CYFIP1: variants seen among roughly 807,000 people sequenced by gnomAD.
The protein encoded by CYFIP1 is cytoplasmic FMR1 interacting protein 1.
A neutral mutation model predicts 163.5 loss-of-function variants in CYFIP1; 58 were observed. That is an observed-to-expected ratio of 0.35 (90% CI 0.29 to 0.44). The LOEUF is 0.44. CYFIP1 is among the 20% of genes least tolerant of loss of function. The pLI, the probability that CYFIP1 is intolerant of heterozygous loss-of-function variation, is 1.00. For synonymous variants in CYFIP1, 663 were observed against 660.7 expected, an observed-to-expected ratio of 1.00 and a Z score of -0.05; for missense variants, 1,338 against 1,653.8, an observed-to-expected ratio of 0.81 and a Z score of 3.31.
rs147096950 is a variant in CYFIP1 at position 22,902,539 on chromosome 15, A to G, written c.2588+1167T>C. On this transcript the variant is annotated intron_variant, in intron 22 of 30. Transcript: ENST00000617928. ...TATAATTTTGATATATTACTTGTGT[A>G]AGAATATTTTTGCAATTAATTCCAA... Among the ~76,000 whole-genome samples, 36 of 152,358 alleles carry G rather than the reference A, an allele frequency of 2.4e-4. 1 individual carries two copies. Among genetic ancestry groups the G allele is most frequent in the African/African-American group, 8.4e-4 (35 of 41,586 alleles).
At chr15:22,961,780 G>T (rs1401979629) in intron 1 of CYFIP1, among the ~76,000 whole-genome samples, 2 of 152,120 alleles carry the variant, frequency 1.3e-5, no homozygotes, top group Non-Finnish European at 1.5e-5. Flanking sequence ...CTGACAGATG[G>T]ACTTACTATA....
intron 10 of CYFIP1, among the ~76,000 whole-genome samples, chr15:22,933,176 A>G (rs916968885): frequency 2.0e-5 from 3 of 151,798 alleles, no homozygotes; most frequent in East Asian, 3.9e-4. Flanking sequence ...CATAAAGACT[A>G]TCACCCAGCA....
chr15:22,876,972 A>T (rs1230799564), intron 26 of CYFIP1, among the ~76,000 whole-genome samples: 1 of 152,180 alleles, frequency 6.6e-6, no homozygotes. Flanking sequence ...TCTCCCCATT[A>T]AGAAAGCTCG....
At chr15:22,918,600 C>T (rs2061075029) in intron 14 of CYFIP1, 92 bp downstream of exon 14, 1 of 1,208,942 alleles carries the variant, frequency 8.3e-7, no homozygotes, top group Non-Finnish European at 1.1e-6. Context: ...ATATTGAAAT[C>T]ATTTTTGAGA....
intron 1 of CYFIP1, among the ~76,000 whole-genome samples, chr15:22,949,285 AGGCGG>A (rs2062168310): frequency 1.2e-5 from 1 of 80,848 alleles, no homozygotes; most frequent in South Asian, 6.4e-4. Context: ...AGCGGGGACC[AGGCGG>A]GCCGGAAGGC....
intron 11 of CYFIP1, among the ~76,000 whole-genome samples, chr15:22,929,776 A>G (rs1003040472): frequency 6.7e-6 from 1 of 150,310 alleles, no homozygotes; most frequent in Non-Finnish European, 1.5e-5. Context: ...TCTACTAAAA[A>G]TACAAAAAAA....
chr15:22,963,546 TAACATAACATAAGA>T lies in CYFIP1; in HGVS notation c.-6-16269_-6-16256del, dbSNP rs1406547752. On this transcript the variant is annotated intron_variant, in intron 1 of 30. Coordinates refer to ENST00000617928, the MANE Select transcript of CYFIP1 (RefSeq NM_014608.6). ...TAACATAACATAACATAACATAACA[TAACATAACATAAGA>T]AAGAATGAAATATCCCCCTGAAAAC... is the stretch of plus-strand genomic sequence containing the variant. 4.8e-3 allele frequency among the ~76,000 whole-genome samples: 648 copies of T among 134,728 alleles called. 4 individuals are homozygous for T. Among genetic ancestry groups the T allele is most frequent in the African/African-American group, 7.5e-3 (277 of 36,958 alleles). The allele number at this position is 134,728 out of a possible 152,430, so 88.4% of individuals were successfully genotyped here.
In CYFIP1 at chr15:22,870,020, G is replaced by A. The variant is rs371247387; in HGVS notation, c.*8C>T. 2.6e-5 allele frequency: 42 copies of A among 1,593,564 alleles called. No homozygotes were observed. Among genetic ancestry groups the A allele is most frequent in the South Asian group, 1.4e-4 (12 of 87,244 alleles). On this transcript the variant is annotated 3_prime_UTR_variant, in exon 31 of 31. Transcript: ENST00000617928. ...GCCATGTTGAGTTACGGAGTGCAGCGCGTGCCCTCAGCTGCTGGCGAGGGA... is the reference window on the plus strand; with the variant it reads ...GCCATGTTGAGTTACGGAGTGCAGCACGTGCCCTCAGCTGCTGGCGAGGGA...
chr15:22,917,510 C>T lies in CYFIP1; in HGVS notation c.1674+278G>A, dbSNP rs770486631. 5.4e-6 allele frequency: 3 copies of T among 553,858 alleles called. No homozygotes were observed. The highest frequency in any genetic ancestry group is 5.4e-5 in the South Asian group (2 of 36,802). The allele number at this position is 553,858 out of a possible 1,614,324, so 34.3% of individuals were successfully genotyped here. A position where few individuals can be genotyped will look rare whatever the true frequency, so the allele number is the denominator to read the frequency against. On this transcript the variant is annotated intron_variant, in intron 15 of 30. Transcript: ENST00000617928. The surrounding 1 kb of genome is among the most constrained non-coding windows in gnomAD (Gnocchi z 4.2). ...AAGAAACACAGAATGAATACAGACACGTGGACTTGTGCCCACATTTTTGGG... is the reference window on the plus strand; with the variant it reads ...AAGAAACACAGAATGAATACAGACATGTGGACTTGTGCCCACATTTTTGGG...
At chr15:22,895,016 ATT>A (rs748636744) in intron 22 of CYFIP1, among the ~76,000 whole-genome samples, 21 of 137,606 alleles carry the variant, frequency 1.5e-4, no homozygotes, top group Admixed American at 3.7e-4. Context: ...TGCCTGGCTA[ATT>A]TTTTTTTTTT....
intron 3 of CYFIP1, 120 bp downstream of exon 3, chr15:22,946,883 T>C (rs1441812462): frequency 1.2e-6 from 1 of 847,278 alleles, no homozygotes; most frequent in Non-Finnish European, 2.0e-6. Flanking sequence ...AGGCATTTCA[T>C]TCATTTTCTT....
chr15:22,980,151 A>AGGCCGCGCCGCCGGGGT lies in CYFIP1; in HGVS notation c.-7+119_-7+135dup, dbSNP rs1455867276. The AGGCCGCGCCGCCGGGGT allele has an allele frequency of 3.1e-3, 249 of 79,634 alleles. No individual in the cohort carries two copies. In the Middle Eastern group the frequency reaches 0.041, roughly 13 times the overall value. The allele number at this position is 79,634 out of a possible 1,614,324, so 4.9% of individuals were successfully genotyped here. ...GATCCCGGAGGCCGCGCCGCCGGGGAGGCCGCGCCGCCGGGGTTGGGGGGG... is the reference window on the plus strand; with the variant it reads ...GATCCCGGAGGCCGCGCCGCCGGGGAGGCCGCGCCGCCGGGGTGGCCGCGCCGCCGGGGTTGGGGGGG... On this transcript the variant is annotated intron_variant, in intron 1 of 30. Transcript: ENST00000617928.
At chr15:22,875,534 A>C in intron 26 of CYFIP1, 2 of 423,298 alleles carry the variant, frequency 4.7e-6, no homozygotes, top group Non-Finnish European at 8.7e-6. Context: ...AGTTACATTT[A>C]ATTAATGTAA....
chr15:22,976,307 G>A (rs140030873), intron 1 of CYFIP1, among the ~76,000 whole-genome samples: 2,198 of 152,150 alleles, frequency 0.014, 52 homozygotes, highest in African/African-American at 0.05. Flanking sequence ...ACAGGCGCAC[G>A]CCACCATGCC....
upstream of CYFIP1, among the ~76,000 whole-genome samples, chr15:22,980,825 G>A (rs1435115227): frequency 6.6e-6 from 1 of 152,022 alleles, no homozygotes; most frequent in Non-Finnish European, 1.5e-5. Flanking sequence ...TCCAGGCGCG[G>A]GTCCCAGCTG....
intron 23 of CYFIP1, among the ~76,000 whole-genome samples, chr15:22,892,047 C>T (rs1417738693): frequency 2.6e-5 from 4 of 152,172 alleles, no homozygotes; most frequent in Non-Finnish European, 4.4e-5. Context: ...CCGCAGAGCC[C>T]GGGGACACCG....
intron 1 of CYFIP1, among the ~76,000 whole-genome samples, chr15:22,972,138 C>T (rs2063120600): frequency 6.6e-6 from 1 of 152,134 alleles, no homozygotes; most frequent in South Asian, 2.1e-4. Flanking sequence ...TACCTGACTT[C>T]AGAATATACT....
At chr15:22,939,599 T>C (rs1161234615) in intron 6 of CYFIP1, 92 bp from the exon 7 acceptor site, 1 of 946,508 alleles carries the variant, frequency 1.1e-6, no homozygotes, top group East Asian at 2.7e-5. Flanking sequence ...TCGAGTGGGA[T>C]CCCTTTCCCC....
At chr15:22,874,225 T>C (rs1354678450) in intron 28 of CYFIP1, among the ~76,000 whole-genome samples, 3 of 152,202 alleles carry the variant, frequency 2.0e-5, no homozygotes, top group East Asian at 1.9e-4. Flanking sequence ...CCTGACACCT[T>C]GCCTCCTGGC....
Sources: allele counts gnomAD v4.1 joint callset (sites outside exome capture counted in the v4.1 genomes callset), GRCh38; gene constraint gnomAD v4.1.1; non-coding constraint Gnocchi (gnomAD v3.1); transcripts MANE v1.5; gene names NCBI Gene and HGNC (gene_info 2026-07-23, HGNC 2026-07-21).